The following TMEM45A variants were observed in gnomAD, a reference collection of about 807,000 sequenced individuals.
TMEM45A encodes DNA polymerase-transactivated protein 4.
TMEM45A carries 25 observed loss-of-function variants against 32.0 expected under a neutral mutation model. That is an observed-to-expected ratio of 0.78 (90% CI 0.57 to 1.09). TMEM45A has a LOEUF of 1.09. Among genes scored for constraint, TMEM45A ranks in the 50% least tolerant of loss-of-function variants. The pLI is 0.00. For missense variants in TMEM45A, 302 were observed against 325.0 expected (o/e 0.93, Z 0.54); for synonymous variants, 122 against 114.8 (o/e 1.06, Z -0.40).
At chr3:100,536,665 T>G (rs752604747) in intron 1 of TMEM45A, among the ~76,000 whole-genome samples, 11 of 152,168 alleles carry the variant, frequency 7.2e-5, no homozygotes, top group Non-Finnish European at 1.2e-4. Flanking sequence ...AAAAACTGAA[T>G]TTCCTCTCAA....
intron 1 of TMEM45A, among the ~76,000 whole-genome samples, chr3:100,525,940 C>G (rs930152636): frequency 2.0e-5 from 3 of 152,164 alleles, no homozygotes; most frequent in Non-Finnish European, 2.9e-5. Flanking sequence ...GGTCCCTGGG[C>G]TGGTCTGTTC....
intron 1 of TMEM45A, among the ~76,000 whole-genome samples, chr3:100,535,744 G>A (rs188728234): frequency 5.3e-5 from 8 of 152,038 alleles, no homozygotes; most frequent in South Asian, 4.2e-4. Flanking sequence ...ATATTAAACC[G>A]CAAACTTGAG....
In TMEM45A at chr3:100,492,755, T is replaced by TGCCCCCCCCCCC. The variant is rs1707864096; in HGVS notation, c.-177_-176insGCCCCCCCCCCC. The TGCCCCCCCCCCC allele has an allele frequency of 7.0e-6, 1 of 143,526 alleles. No homozygotes were observed. Among genetic ancestry groups the TGCCCCCCCCCCC allele is most frequent in the South Asian group, 2.2e-4 (1 of 4,538 alleles). 8.9% of individuals were successfully genotyped at this position (143,526 alleles called of 1,614,324 possible). Reference sequence around the variant, plus strand: ...CGACTAGGGACCCAAGTTTAAAAATTCCTCCCCCCACCCAATGCGAGACGT... The same window carrying TGCCCCCCCCCCC: ...CGACTAGGGACCCAAGTTTAAAAATTGCCCCCCCCCCCCCTCCCCCCACCCAATGCGAGACGT... On this transcript the variant is annotated 5_prime_UTR_variant, in exon 1 of 6. Transcript: ENST00000323523.
chr3:100,520,613 C>T (rs1368927810), intron 1 of TMEM45A, among the ~76,000 whole-genome samples: 1 of 152,150 alleles, frequency 6.6e-6, no homozygotes, highest in Non-Finnish European at 1.5e-5. Context: ...TTGTACGCCC[C>T]ACACAAACCT....
At chr3:100,525,625 C>G (rs182698510) in intron 1 of TMEM45A, among the ~76,000 whole-genome samples, 2 of 152,292 alleles carry the variant, frequency 1.3e-5, no homozygotes, top group African/African-American at 2.4e-5. Flanking sequence ...TTGTGCTGTG[C>G]CTTGAGGGAG....
chr3:100,523,777 T>TTCCTTCTCC (rs1484237124), intron 1 of TMEM45A, among the ~76,000 whole-genome samples: 1 of 141,200 alleles, frequency 7.1e-6, no homozygotes. Context: ...CTCCTTTCTC[T>TTCCTTCTCC]TCCTTCTCCT....
At chr3:100,531,858 C>T (rs1705654290) in intron 1 of TMEM45A, among the ~76,000 whole-genome samples, 1 of 152,116 alleles carries the variant, frequency 6.6e-6, no homozygotes. Flanking sequence ...ATTTGAGATG[C>T]ATTCGTTTAT....
intron 5 of TMEM45A, among the ~76,000 whole-genome samples, chr3:100,569,933 T>G (rs1182959827): frequency 1.3e-5 from 2 of 152,164 alleles, no homozygotes; most frequent in Non-Finnish European, 1.5e-5. Flanking sequence ...GCTTGAAGGA[T>G]GAGCAGGAAT....
chr3:100,577,021 T>C lies in TMEM45A; in HGVS notation c.*3T>C, dbSNP rs200333180. On this transcript the variant is annotated 3_prime_UTR_variant, in exon 6 of 6. Coordinates refer to ENST00000323523, the MANE Select transcript of TMEM45A (RefSeq NM_018004.3). ...AAGAATCAGAAGAAGAAATGTGACT[T>C]TGATGAGCTTCCAGTTTTTCTAGAT... 6.8e-6 allele frequency: 11 copies of C among 1,609,220 alleles called. No homozygotes were observed. Among genetic ancestry groups the C allele is most frequent in the Non-Finnish European group, 9.3e-6 (11 of 1,177,932 alleles).
chr3:100,568,778 T>C lies in TMEM45A; in HGVS notation c.589-44T>C, dbSNP rs370916284. The C allele has an allele frequency of 4.5e-5, 69 of 1,550,452 alleles. No individual in the cohort carries two copies. The African/African-American group carries it at 8.9e-4, about 20-fold the overall frequency. ...TTTTGAAATGTACCATTTTTGGGAA[T>C]GTGATTGGTTATTTTAATATATGCT... On this transcript the variant is annotated intron_variant, in intron 4 of 5. Transcript: ENST00000323523.
chr3:100,539,462 T>TATGCATATGCATATGCATATGC (rs1190438042), intron 1 of TMEM45A, among the ~76,000 whole-genome samples: 2 of 106,336 alleles, frequency 1.9e-5, no homozygotes, highest in Non-Finnish European at 3.9e-5. Context: ...TATGTATATG[T>TATGCATATGCATATGCATATGC]ATATGTATAT....
At chr3:100,576,324 G>A (rs9831984) in intron 5 of TMEM45A, among the ~76,000 whole-genome samples, 32,353 of 152,080 alleles carry the variant, frequency 0.21, 4,429 homozygotes, top group African/African-American at 0.37. Context: ...GGTGGTGGGC[G>A]TCTGTAATTC....
chr3:100,535,417 C>T (rs777588850), intron 1 of TMEM45A, among the ~76,000 whole-genome samples: 3 of 152,090 alleles, frequency 2.0e-5, no homozygotes, highest in Non-Finnish European at 4.4e-5. Flanking sequence ...GACCGAGAGA[C>T]CAGAGTTATT....
chr3:100,495,042 C>T (rs1045707286), intron 1 of TMEM45A, among the ~76,000 whole-genome samples: 3 of 152,222 alleles, frequency 2.0e-5, no homozygotes, highest in Non-Finnish European at 4.4e-5. Context: ...TCTTTGTTAT[C>T]TTCCTTCCCA....
chr3:100,495,244 G>GA (rs1707906617), intron 1 of TMEM45A, among the ~76,000 whole-genome samples: 1 of 152,222 alleles, frequency 6.6e-6, no homozygotes, highest in Non-Finnish European at 1.5e-5. Context: ...GCAGGGAATA[G>GA]AAAAAGGCTA....
intron 1 of TMEM45A, among the ~76,000 whole-genome samples, chr3:100,531,265 C>T (rs1705641583): frequency 6.6e-6 from 1 of 152,022 alleles, no homozygotes; most frequent in Non-Finnish European, 1.5e-5. Flanking sequence ...TGGAAATGTG[C>T]TGACATGTTC....
intron 5 of TMEM45A, 26 bp from the exon 6 acceptor site, chr3:100,576,899 C>T: frequency 6.5e-7 from 1 of 1,546,604 alleles, no homozygotes; most frequent in Non-Finnish European, 8.9e-7. Flanking sequence ...AACCGTCTAA[C>T]TTGAGATGCT....
intron 1 of TMEM45A, among the ~76,000 whole-genome samples, chr3:100,527,727 T>G (rs985789666): frequency 2.0e-5 from 3 of 152,204 alleles, no homozygotes; most frequent in African/African-American, 7.2e-5. Flanking sequence ...GGCCGAGGAA[T>G]CTTCAGTTCA....
At chr3:100,549,829 T>G (rs1315958648) in intron 1 of TMEM45A, among the ~76,000 whole-genome samples, 1 of 151,876 alleles carries the variant, frequency 6.6e-6, no homozygotes. Context: ...TTTGGTTTTT[T>G]GTTCTTGCGA....
Sources: gnomAD v4.1 joint callset for allele counts (sites outside exome capture counted in the v4.1 genomes callset) on GRCh38, gnomAD v4.1.1 for gene constraint, MANE v1.5 for transcripts, NCBI Gene and HGNC (gene_info 2026-07-23, HGNC 2026-07-21) for gene names.